The following BMP7 variants were observed in gnomAD, a reference collection of about 807,000 sequenced individuals.
BMP7 encodes bone morphogenetic protein 7.
A neutral mutation model predicts 41.2 loss-of-function variants in BMP7; 12 were observed. The observed-to-expected ratio is 0.29, with a 90% CI of 0.19 to 0.47. The LOEUF (loss-of-function observed/expected upper bound fraction) is 0.47. Among genes scored for constraint, BMP7 ranks in the 20% least tolerant of loss-of-function variants. BMP7 has a pLI of 0.99. For missense variants in BMP7, 467 were observed against 606.0 expected, an observed-to-expected ratio of 0.77 and a Z score of 2.41; for synonymous variants, 248 against 250.0, an observed-to-expected ratio of 0.99 and a Z score of 0.07.
At chr20:57,172,587 C>G (rs1252621960) in intron 6 of BMP7, among the ~76,000 whole-genome samples, 1 of 151,892 alleles carries the variant, frequency 6.6e-6, no homozygotes, top group African/African-American at 2.4e-5. Flanking sequence ...TAACCAAGGT[C>G]CTTGAACCTT....
At chr20:57,190,664 G>C (rs1424649569) in intron 3 of BMP7, among the ~76,000 whole-genome samples, 3 of 152,092 alleles carry the variant, frequency 2.0e-5, no homozygotes, top group Non-Finnish European at 4.4e-5. Context: ...TGGTGGTCCA[G>C]AAGCGCGTCC....
At chr20:57,265,042 A>AGAAAG (rs1555819057) in intron 1 of BMP7, among the ~76,000 whole-genome samples, 3 of 120,156 alleles carry the variant, frequency 2.5e-5, no homozygotes, top group Non-Finnish European at 4.8e-5. Context: ...AAAAAAAAAA[A>AGAAAG]AAAAGAAAAG....
At chr20:57,202,704 TC>T in intron 2 of BMP7, 81 bp from the exon 3 acceptor site, 5 of 606,230 alleles carry the variant, frequency 8.2e-6, no homozygotes, top group South Asian at 1.5e-5. Flanking sequence ...AAGCAGAGCC[TC>T]ATGGGGTGGG....
chr20:57,204,838 A>T (rs78295307), intron 2 of BMP7, among the ~76,000 whole-genome samples: 2,245 of 152,296 alleles, frequency 0.015, 65 homozygotes, highest in African/African-American at 0.052. Context: ...TAATTCTGTT[A>T]TTGCTGTGGT....
At chr20:57,237,908 C>T (rs1212569808) in intron 1 of BMP7, among the ~76,000 whole-genome samples, 1 of 152,214 alleles carries the variant, frequency 6.6e-6, no homozygotes, top group Non-Finnish European at 1.5e-5. Context: ...AACACCTAAG[C>T]CAGGTAAACA....
At chr20:57,175,902 T>C (rs531049030) in intron 4 of BMP7, among the ~76,000 whole-genome samples, 2 of 152,360 alleles carry the variant, frequency 1.3e-5, no homozygotes, top group South Asian at 4.1e-4. Flanking sequence ...CGCAGGGCTC[T>C]TGCATGTGCC....
rs1437822745 is a variant in BMP7, at chr20:57,171,670, C to G, written c.1147-562G>C. The stretch of plus-strand genomic sequence containing the variant: ...CCAACCAAGATCAGTGTTAGCAGAT[C>G]TGCCACGTGTTCAAGACAGGCCAGA... On this transcript the variant is annotated intron_variant, in intron 6 of 6. Transcript: ENST00000395863. This position sits in a 1 kb window ranked among gnomAD's most constrained non-coding sequence, Gnocchi z 4.5. Among the ~76,000 whole-genome samples the G allele has an allele frequency of 6.6e-6, 1 of 152,214 alleles. No homozygotes were observed. The highest frequency in any genetic ancestry group is 1.5e-5 in the Non-Finnish European group (1 of 68,038).
intron 2 of BMP7, among the ~76,000 whole-genome samples, chr20:57,218,809 GT>G (rs1985105935): frequency 6.7e-6 from 1 of 148,612 alleles, no homozygotes; most frequent in African/African-American, 2.5e-5. Context: ...GCTGGTGTTT[GT>G]TTGGTGGTAG....
intron 2 of BMP7, among the ~76,000 whole-genome samples, chr20:57,203,315 G>A (rs981352006): frequency 6.6e-6 from 1 of 152,140 alleles, no homozygotes; most frequent in Admixed American, 6.5e-5. Flanking sequence ...AGCAAAATGG[G>A]TAAAATCATA....
chr20:57,255,821 A>AAAAAG (rs1568731432), intron 1 of BMP7, among the ~76,000 whole-genome samples: 1 of 149,876 alleles, frequency 6.7e-6, no homozygotes, highest in African/African-American at 2.4e-5. Flanking sequence ...AAAAAAAAAA[A>AAAAAG]AAAGAAAGAA....
intron 1 of BMP7, among the ~76,000 whole-genome samples, chr20:57,265,396 G>C (rs1048600071): frequency 7.2e-5 from 11 of 152,266 alleles, no homozygotes; most frequent in Admixed American, 2.6e-4. Context: ...TCACATGACC[G>C]AGCCCCGCGC....
At chr20:57,201,540 A>T (rs900751866) in intron 3 of BMP7, among the ~76,000 whole-genome samples, 2 of 152,244 alleles carry the variant, frequency 1.3e-5, no homozygotes, top group African/African-American at 4.8e-5. Context: ...GTCCCTGGGA[A>T]GTGGAACTCA....
chr20:57,260,480 C>A (rs2066149679), intron 1 of BMP7, among the ~76,000 whole-genome samples: 1 of 152,126 alleles, frequency 6.6e-6, no homozygotes, highest in Admixed American at 6.6e-5. Flanking sequence ...GTGTGTAAAG[C>A]TAAATGTGTT....
At chr20:57,249,319 G>A (rs1003139339) in intron 1 of BMP7, among the ~76,000 whole-genome samples, 2 of 151,976 alleles carry the variant, frequency 1.3e-5, no homozygotes, top group African/African-American at 4.8e-5. Context: ...TATGATACAG[G>A]TCCTACACTC....
chr20:57,226,040 C>A, intron 2 of BMP7: 1 of 443,012 alleles, frequency 2.3e-6, no homozygotes, highest in Non-Finnish European at 4.7e-6. Flanking sequence ...GCACCCCCAG[C>A]CCAAGTTGCC....
At chr20:57,219,635 C>T (rs372372542) in intron 2 of BMP7, among the ~76,000 whole-genome samples, 50 of 152,102 alleles carry the variant, frequency 3.3e-4, no homozygotes, top group East Asian at 1.7e-3. Flanking sequence ...GCTCGGAAAC[C>T]GAAACCCTGC....
intron 1 of BMP7, among the ~76,000 whole-genome samples, chr20:57,245,498 C>T (rs2066086626): frequency 6.6e-6 from 1 of 152,066 alleles, no homozygotes; most frequent in African/African-American, 2.4e-5. Context: ...AGGCATGAGG[C>T]ACCCTACGGG....
intron 3 of BMP7, among the ~76,000 whole-genome samples, chr20:57,201,710 C>T (rs1220284200): frequency 2.0e-5 from 3 of 152,190 alleles, no homozygotes; most frequent in Non-Finnish European, 4.4e-5. Context: ...AGCTGGAAAC[C>T]ATCACCACTG....
chr20:57,247,237 C>G (rs574638428), intron 1 of BMP7, among the ~76,000 whole-genome samples: 1 of 152,184 alleles, frequency 6.6e-6, no homozygotes, highest in East Asian at 1.9e-4. Flanking sequence ...AAGAGCCTCC[C>G]CCCAACAATT....
Sources: gnomAD v4.1 joint callset for allele counts (sites outside exome capture counted in the v4.1 genomes callset) on GRCh38, gnomAD v4.1.1 for gene constraint, Gnocchi (gnomAD v3.1) non-coding constraint, MANE v1.5 for transcripts, NCBI Gene and HGNC (gene_info 2026-07-23, HGNC 2026-07-21) for gene names.